The following DRD3 variants were observed in gnomAD, a reference collection of about 807,000 sequenced individuals.
DRD3 encodes dopamine receptor D3.
DRD3 carries 19 observed loss-of-function variants against 36.3 expected under a neutral mutation model. The ratio of observed to expected loss-of-function variants is 0.52; its 90% CI spans 0.36 to 0.77. DRD3 has a LOEUF of 0.77. Ranked by LOEUF, DRD3 falls within the 30% of genes least tolerant of loss-of-function variation. The pLI, the probability that DRD3 is intolerant of heterozygous loss-of-function variation, is 0.00. For missense variants in DRD3, 465 were observed against 505.3 expected, an observed-to-expected ratio of 0.92 and a Z score of 0.77; for synonymous variants, 195 against 203.7, an observed-to-expected ratio of 0.96 and a Z score of 0.36.
At chr3:114,153,110 A>G (rs1038600899) in intron 3 of DRD3, among the ~76,000 whole-genome samples, 8 of 152,198 alleles carry the variant, frequency 5.3e-5, no homozygotes, top group Non-Finnish European at 7.3e-5. Flanking sequence ...AAACGGACTG[A>G]TCAGCTCTGA....
At chr3:114,147,102 T>C (rs1012580794) in intron 4 of DRD3, among the ~76,000 whole-genome samples, 1 of 152,194 alleles carries the variant, frequency 6.6e-6, no homozygotes, top group African/African-American at 2.4e-5. Context: ...ATTATTAATA[T>C]ATATCTTGGT....
At chr3:114,134,022 A>G (rs1346382977) in intron 5 of DRD3, among the ~76,000 whole-genome samples, 1 of 152,214 alleles carries the variant, frequency 6.6e-6, no homozygotes, top group African/African-American at 2.4e-5. Context: ...TTTCTTAGGC[A>G]TGAATAGCAT....
intron 4 of DRD3, among the ~76,000 whole-genome samples, chr3:114,145,138 C>T (rs1168173970): frequency 6.6e-6 from 1 of 151,750 alleles, no homozygotes; most frequent in African/African-American, 2.4e-5. Flanking sequence ...CAGATGTTGG[C>T]AGGGATTTGC....
intron 1 of DRD3, among the ~76,000 whole-genome samples, chr3:114,175,733 T>C (rs7639152): frequency 0.4 from 60,358 of 151,916 alleles, 12,790 homozygotes; most frequent in African/African-American, 0.53. Context: ...GGTTTCCCTT[T>C]GTATAATTAG....
At chr3:114,172,400 C>T (rs1215470610) in intron 1 of DRD3, among the ~76,000 whole-genome samples, 2 of 152,136 alleles carry the variant, frequency 1.3e-5, no homozygotes, top group Non-Finnish European at 2.9e-5. Context: ...GCAATTGAGT[C>T]TTGACCTGGA....
chr3:114,198,137 C>T (rs1054556313), intron 1 of DRD3, among the ~76,000 whole-genome samples: 12 of 151,888 alleles, frequency 7.9e-5, no homozygotes, highest in African/African-American at 2.7e-4. Flanking sequence ...TTTTAGGGTA[C>T]AGGTCTTTTA....
intron 5 of DRD3, among the ~76,000 whole-genome samples, chr3:114,137,766 C>T (rs868714345): frequency 6.6e-6 from 1 of 151,008 alleles, no homozygotes; most frequent in Non-Finnish European, 1.5e-5. Context: ...CCGAAGCGTG[C>T]GGATCACGAG....
intron 4 of DRD3, among the ~76,000 whole-genome samples, chr3:114,140,347 G>C (rs2077513847): frequency 6.6e-6 from 1 of 152,144 alleles, no homozygotes; most frequent in African/African-American, 2.4e-5. Flanking sequence ...GCACTTAGAA[G>C]GGTCCTTGTC....
chr3:114,172,262 G>A (rs1182595692), intron 1 of DRD3, among the ~76,000 whole-genome samples: 2 of 152,200 alleles, frequency 1.3e-5, no homozygotes, highest in East Asian at 1.9e-4. Flanking sequence ...ATAAATAAAA[G>A]ATGTGGTGTG....
At chr3:114,132,076 A>G (rs766882032) in intron 5 of DRD3, among the ~76,000 whole-genome samples, 2 of 152,246 alleles carry the variant, frequency 1.3e-5, no homozygotes, top group Non-Finnish European at 1.5e-5. Flanking sequence ...AAAAGATTAT[A>G]AATCATTCTA....
intron 1 of DRD3, among the ~76,000 whole-genome samples, chr3:114,174,549 A>G (rs113142208): frequency 1.1e-4 from 17 of 152,314 alleles, no homozygotes; most frequent in African/African-American, 4.1e-4. Flanking sequence ...TTGGAATCAC[A>G]GTTGCATGGA....
rs370566856 is a variant in DRD3 at position 114,161,904 on chromosome 3, G to T, written c.271-2037C>A. On this transcript the variant is annotated intron_variant, in intron 2 of 6. Transcript: ENST00000383673. ...CTCTGCAGTTAATGTTTTAAATTGG[G>T]TAAAAAAACACTTTTTGGCATAATT... Among the ~76,000 whole-genome samples the T allele has an allele frequency of 9.7e-4, 147 of 152,254 alleles. 5 individuals carry two copies. In the South Asian group the frequency reaches 0.029, roughly 30 times the overall value.
chr3:114,182,714 C>A (rs962877491), upstream of DRD3, among the ~76,000 whole-genome samples: 3 of 151,980 alleles, frequency 2.0e-5, no homozygotes, highest in Non-Finnish European at 4.4e-5. Flanking sequence ...CAGGTTTAAG[C>A]GATTCTCTAA....
At chr3:114,134,999 G>C (rs982543192) in intron 5 of DRD3, among the ~76,000 whole-genome samples, 13 of 152,144 alleles carry the variant, frequency 8.5e-5, no homozygotes, top group Non-Finnish European at 1.6e-4. Flanking sequence ...TCACCCTACT[G>C]TGCTATTAGA....
intron 5 of DRD3, among the ~76,000 whole-genome samples, chr3:114,136,604 A>G (rs2077476900): frequency 1.3e-5 from 2 of 152,194 alleles, no homozygotes; most frequent in Admixed American, 1.3e-4. Context: ...CTGCATAGCT[A>G]TTATCGTTTA....
intron 2 of DRD3, among the ~76,000 whole-genome samples, chr3:114,165,987 A>ATTTT (rs57837932): frequency 8.9e-6 from 1 of 112,394 alleles, no homozygotes; most frequent in Admixed American, 8.9e-5. Context: ...AACAGTTTGT[A>ATTTT]TTTTTTTTTT....
chr3:114,152,434 A>G (rs978236953), intron 3 of DRD3, among the ~76,000 whole-genome samples: 1 of 152,236 alleles, frequency 6.6e-6, no homozygotes, highest in African/African-American at 2.4e-5. Context: ...CTTCTGTGAC[A>G]AAGATTTTTG....
At chr3:114,147,813 G>T (rs543771718) in intron 3 of DRD3, among the ~76,000 whole-genome samples, 1 of 152,166 alleles carries the variant, frequency 6.6e-6, no homozygotes, top group South Asian at 2.1e-4. Context: ...TAGAGATGGG[G>T]TCTTACTTTG....
intron 3 of DRD3, among the ~76,000 whole-genome samples, chr3:114,156,146 C>G (rs2077665227): frequency 6.6e-6 from 1 of 152,200 alleles, no homozygotes; most frequent in Admixed American, 6.5e-5. Context: ...CAAAGCCACA[C>G]CATTAGTACT....
Sources: allele counts gnomAD v4.1 joint callset (sites outside exome capture counted in the v4.1 genomes callset), GRCh38; gene constraint gnomAD v4.1.1; transcripts MANE v1.5; gene names NCBI Gene and HGNC (gene_info 2026-07-23, HGNC 2026-07-21).